NEK10: variants seen among roughly 807,000 people sequenced by gnomAD.
NEK10 encodes serine/threonine-protein kinase Nek10.
A neutral mutation model predicts 159.8 loss-of-function variants in NEK10; 122 were observed. That is an observed-to-expected ratio of 0.76 (90% confidence interval 0.66 to 0.89). NEK10 has a LOEUF of 0.89. NEK10 is among the 40% of genes least tolerant of loss of function. NEK10 has a pLI of 0.00. For missense variants in NEK10, 1,342 were observed against 1,323.1 expected (o/e 1.01, Z -0.22); for synonymous variants, 466 against 457.1 (o/e 1.02, Z -0.25).
chr3:27,334,891 C>A (rs1262974318), intron 5 of NEK10, among the ~76,000 whole-genome samples: 1 of 152,002 alleles, frequency 6.6e-6, no homozygotes, highest in East Asian at 1.9e-4. Context: ...AGATCCCAAT[C>A]AAAAATAAAT....
intron 6 of NEK10, among the ~76,000 whole-genome samples, chr3:27,314,928 C>G (rs1203204933): frequency 2.6e-5 from 4 of 152,166 alleles, no homozygotes; most frequent in African/African-American, 9.7e-5. Flanking sequence ...AAGCATTGCT[C>G]TAGGACAGAA....
At chr3:27,181,615 C>G (rs1363787260) in intron 26 of NEK10, among the ~76,000 whole-genome samples, 1 of 152,180 alleles carries the variant, frequency 6.6e-6, no homozygotes, top group Non-Finnish European at 1.5e-5. Flanking sequence ...AAGCCCTTCA[C>G]TGACATCCCT....
intron 3 of NEK10, among the ~76,000 whole-genome samples, chr3:27,352,027 C>T (rs2048005605): frequency 6.6e-6 from 1 of 151,984 alleles, no homozygotes; most frequent in South Asian, 2.1e-4. Context: ...TGGTGAGGTA[C>T]ATTGTGCAGC....
chr3:27,314,790 A>T (rs2045022928), intron 6 of NEK10, among the ~76,000 whole-genome samples: 1 of 152,170 alleles, frequency 6.6e-6, no homozygotes, highest in South Asian at 2.1e-4. Context: ...GTGTCCATGA[A>T]CCAGCAGCAC....
At chr3:27,201,289 G>T (rs1007955443) in intron 25 of NEK10, among the ~76,000 whole-genome samples, 1 of 151,986 alleles carries the variant, frequency 6.6e-6, no homozygotes, top group African/African-American at 2.4e-5. Flanking sequence ...CCAAATAATC[G>T]TTCTAGTGGT....
intron 26 of NEK10, among the ~76,000 whole-genome samples, chr3:27,191,201 G>C (rs1221899980): frequency 1.3e-5 from 2 of 152,098 alleles, no homozygotes; most frequent in African/African-American, 4.8e-5. Context: ...AGCTGAGATG[G>C]AGCAGGTCCT....
intron 23 of NEK10, among the ~76,000 whole-genome samples, chr3:27,231,879 C>G (rs768860811): frequency 3.3e-5 from 5 of 151,704 alleles, no homozygotes; most frequent in African/African-American, 1.2e-4. Flanking sequence ...CAGGACAAGA[C>G]AGATTCTCAG....
intron 22 of NEK10, among the ~76,000 whole-genome samples, chr3:27,271,138 ATCTATCTATCT>A (rs1163237141): frequency 6.8e-6 from 1 of 147,116 alleles, no homozygotes; most frequent in Non-Finnish European, 1.5e-5. Context: ...CTTTCCATCC[ATCTATCTATCT>A]TCTATCTATC....
chr3:27,204,315 T>TTTTTTTGTTTTGTTTTG (rs1559606319), intron 23 of NEK10, among the ~76,000 whole-genome samples: 19 of 113,228 alleles, frequency 1.7e-4, no homozygotes, highest in Admixed American at 4.3e-4. Flanking sequence ...TTTTTTTTTT[T>TTTTTTTGTTTTGTTTTG]TTTTTTATTA....
At chr3:27,296,928 A>T (rs2043396117) in intron 14 of NEK10, among the ~76,000 whole-genome samples, 1 of 152,356 alleles carries the variant, frequency 6.6e-6, no homozygotes, top group Non-Finnish European at 1.5e-5. Context: ...AAAAAATAAA[A>T]GGGACCGCAC....
chr3:27,233,043 T>C (rs1026236140), intron 23 of NEK10, among the ~76,000 whole-genome samples: 1 of 152,024 alleles, frequency 6.6e-6, no homozygotes, highest in South Asian at 2.1e-4. Flanking sequence ...AAATGGGACC[T>C]AATTAAACTA....
chr3:27,231,508 C>A (rs1256026504), intron 23 of NEK10, among the ~76,000 whole-genome samples: 2 of 151,484 alleles, frequency 1.3e-5, no homozygotes, highest in Non-Finnish European at 3.0e-5. Context: ...CAGAGTATAA[C>A]TAAATGAAAG....
At chr3:27,256,751 C>A (rs186060925) in intron 22 of NEK10, among the ~76,000 whole-genome samples, 1 of 152,072 alleles carries the variant, frequency 6.6e-6, no homozygotes, top group Admixed American at 6.6e-5. Context: ...CTGGCATCAA[C>A]GTGTACTAAT....
intron 5 of NEK10, among the ~76,000 whole-genome samples, chr3:27,337,609 C>T (rs549592066): frequency 6.6e-6 from 1 of 152,200 alleles, no homozygotes; most frequent in South Asian, 2.1e-4. Context: ...AACATATAGA[C>T]TGATGGAACA....
chr3:27,352,475 C>T lies in NEK10; in HGVS notation c.122G>A (p.Ser41Asn). The T allele has an allele frequency of 6.2e-7, 1 of 1,609,760 alleles. No individual in the cohort carries two copies. Among genetic ancestry groups the T allele is most frequent in the South Asian group, 1.1e-5 (1 of 91,012 alleles). Residue 41 changes from serine to asparagine, a missense_variant, in exon 3 of 36, where the codon AGC becomes AAC. Coordinates refer to ENST00000691995, the MANE Select transcript of NEK10 (RefSeq NM_001394966.1). The stretch of plus-strand genomic sequence containing the variant: ...CTTTGAAAACGCTACCTGTTGTTTG[C>T]TTGATTGGACGTTCAAAAGGCACCG... Reference protein sequence around the residue: ...RLRCLLNVQSSKQQLPAINFD... With the variant: ...RLRCLLNVQSNKQQLPAINFD...
chr3:27,308,678 G>A (rs1052341805), intron 10 of NEK10, among the ~76,000 whole-genome samples: 1 of 151,904 alleles, frequency 6.6e-6, no homozygotes, highest in African/African-American at 2.4e-5. Flanking sequence ...AGTAACTGAG[G>A]GTTAGATGAA....
intron 22 of NEK10, chr3:27,278,902 C>A: frequency 1.0e-6 from 1 of 984,850 alleles, no homozygotes; most frequent in Non-Finnish European, 1.2e-6. Flanking sequence ...TGTGTCTCAC[C>A]CCATGTACCA....
chr3:27,265,876 G>A (rs983668397), intron 22 of NEK10, among the ~76,000 whole-genome samples: 5 of 148,906 alleles, frequency 3.4e-5, no homozygotes, highest in African/African-American at 5.0e-5. Context: ...GCGCAATCTC[G>A]GCTTACTGCA....
chr3:27,361,617 C>T (rs1001654386), intron 1 of NEK10, among the ~76,000 whole-genome samples: 2 of 152,068 alleles, frequency 1.3e-5, no homozygotes, highest in Non-Finnish European at 2.9e-5. Flanking sequence ...GGATACAACA[C>T]TGAATAAGAC....
Sources: allele counts gnomAD v4.1 joint callset (sites outside exome capture counted in the v4.1 genomes callset), GRCh38; gene constraint gnomAD v4.1.1; transcripts MANE v1.5; gene names NCBI Gene and HGNC (gene_info 2026-07-23, HGNC 2026-07-21).